C2CD5: variants seen among roughly 807,000 people sequenced by gnomAD.
C2CD5 encodes C2 calcium dependent domain containing 5, also known as C2 domain-containing protein 5.
In C2CD5, 109 loss-of-function variants were observed where a neutral mutation model predicts 130.3. The ratio of observed to expected loss-of-function variants is 0.84; its 90% CI spans 0.72 to 0.98. The LOEUF (loss-of-function observed/expected upper bound fraction) is 0.98, where lower values mean the gene tolerates loss of function less well. C2CD5 is among the 50% of genes least tolerant of loss of function. The pLI is 0.00. For missense variants in C2CD5, 996 were observed against 1,261.8 expected, an observed-to-expected ratio of 0.79 and a Z score of 3.19; for synonymous variants, 454 against 429.2, an observed-to-expected ratio of 1.06 and a Z score of -0.71.
At chr12:22,460,185 C>T (rs935566710) in intron 22 of C2CD5, among the ~76,000 whole-genome samples, 4 of 152,266 alleles carry the variant, frequency 2.6e-5, no homozygotes, top group African/African-American at 9.6e-5. Flanking sequence ...AGAATTTTCC[C>T]TGATATTTTT....
chr12:22,522,972 G>C (rs1950402583), intron 7 of C2CD5, among the ~76,000 whole-genome samples: 1 of 152,114 alleles, frequency 6.6e-6, no homozygotes, highest in Non-Finnish European at 1.5e-5. Flanking sequence ...CCAGCATTTT[G>C]GGAGGTCAAG....
chr12:22,491,052 G>A lies in C2CD5; in HGVS notation c.1263-834C>T, dbSNP rs532818462. 2.6e-5 allele frequency among the ~76,000 whole-genome samples: 4 copies of A among 152,210 alleles called. No individual in the cohort carries two copies. In the South Asian group the frequency reaches 6.2e-4, roughly 24 times the overall value. ...GAAGGAATAACATGAAACCACTGAT[G>A]TCTTCGAATCAAGAAGTTATAAGAG... On this transcript the variant is annotated intron_variant, in intron 11 of 26. Coordinates refer to ENST00000446597, the MANE Select transcript of C2CD5 (RefSeq NM_001286176.2).
In C2CD5 at chr12:22,525,677, G is replaced by T; in HGVS notation, c.378C>A (p.Val126=). The change falls in exon 5 of 27, where the codon GTC becomes GTA. Residue 126 remains valine (V), a synonymous_variant. Transcript: ENST00000446597. ...TTAAATCATTGAAGAGGTCTACTTT[G>T]ACAACTACATTGATTTCCCCACGGA... ...HGIRGEINVV[V]KVDLFNDLNR... 1 of 1,579,372 alleles carries T rather than the reference G, an allele frequency of 6.3e-7. No individual in the cohort carries two copies. Among genetic ancestry groups the T allele is most frequent in the South Asian group, 1.1e-5 (1 of 90,196 alleles).
intron 2 of C2CD5, among the ~76,000 whole-genome samples, chr12:22,538,640 C>G (rs1461698686): frequency 6.6e-6 from 1 of 152,200 alleles, no homozygotes. Context: ...TCCCCCTTTC[C>G]TAGCCAGATT....
At chr12:22,491,229 G>A (rs1946306772) in intron 11 of C2CD5, among the ~76,000 whole-genome samples, 2 of 152,124 alleles carry the variant, frequency 1.3e-5, no homozygotes, top group Non-Finnish European at 2.9e-5. Flanking sequence ...CAAACTTCTA[G>A]GTAAATTAAC....
intron 12 of C2CD5, among the ~76,000 whole-genome samples, chr12:22,485,244 T>C (rs911539197): frequency 5.3e-5 from 8 of 152,034 alleles, no homozygotes; most frequent in Non-Finnish European, 7.4e-5. Context: ...TTCCCACTGG[T>C]TGACAAATAT....
Position 22,484,710 on chromosome 12 carries a change from G to A in C2CD5, c.1537C>T (p.Leu513Phe), listed in dbSNP as rs780993048. 1.9e-6 allele frequency: 3 copies of A among 1,587,604 alleles called. No individual in the cohort carries two copies. Among genetic ancestry groups the A allele is most frequent in the Non-Finnish European group, 2.6e-6 (3 of 1,168,036 alleles). Residue 513 changes from leucine (L) to phenylalanine (F), a missense_variant, in exon 13 of 27, where the codon CTT becomes TTT. Leu to Phe is a conservative substitution (Grantham distance 22, BLOSUM62 0). Coordinates refer to ENST00000446597, the MANE Select transcript of C2CD5 (RefSeq NM_001286176.2). ...TDATVIGKGC[L>F]IQARLCRLKK... ...TCACAAACATACCTTGCTTGAATAA[G>A]ACAACCTTTTCCAATAACTGTTGCA...
At chr12:22,532,062 G>C (rs1951329680) in intron 3 of C2CD5, among the ~76,000 whole-genome samples, 1 of 152,166 alleles carries the variant, frequency 6.6e-6, no homozygotes, top group Non-Finnish European at 1.5e-5. Flanking sequence ...CCCAGGCCGG[G>C]CATTACGCCT....
chr12:22,535,168 A>G (rs1951704221), intron 3 of C2CD5, 90 bp downstream of exon 3: 2 of 737,456 alleles, frequency 2.7e-6, no homozygotes, highest in Non-Finnish European at 4.8e-6. Flanking sequence ...AAATACTACT[A>G]TGCCTGAAAT....
At chr12:22,512,529 C>A in intron 9 of C2CD5, 1 of 715,712 alleles carries the variant, frequency 1.4e-6, no homozygotes, top group African/African-American at 1.8e-5. Context: ...CTTTGCATTA[C>A]GAAAAGAAAA....
Position 22,525,711 on chromosome 12 carries a change from A to C in C2CD5, c.350-6T>G. The C allele has an allele frequency of 7.3e-7, 1 of 1,369,884 alleles. No homozygotes were observed. Among genetic ancestry groups the C allele is most frequent in the Non-Finnish European group, 1.0e-6 (1 of 963,164 alleles). 84.9% of individuals were successfully genotyped at this position (1,369,884 alleles called of 1,614,324 possible). A position where few individuals can be genotyped will look rare whatever the true frequency, so the allele number is the denominator to read the frequency against. On this transcript the variant is annotated splice_polypyrimidine_tract_variant and splice_region_variant and intron_variant, in intron 4 of 26. Coordinates refer to ENST00000446597, the MANE Select transcript of C2CD5 (RefSeq NM_001286176.2). ...ATTGATTTCCCCACGGATACCTATA[A>C]ATTTAAAAAGAAAATCAAGTTTCTA...
At chr12:22,505,972 T>TTCCACCAATGACAGAGTGGAATC (rs1555195439) in intron 10 of C2CD5, among the ~76,000 whole-genome samples, 1 of 151,974 alleles carries the variant, frequency 6.6e-6, no homozygotes, top group Non-Finnish European at 1.5e-5. Flanking sequence ...AGTGCTGGGA[T>TTCCACCAATGACAGAGTGGAATC]CTGGGTTCTG....
At chr12:22,527,336 T>A (rs192060544) in intron 4 of C2CD5, among the ~76,000 whole-genome samples, 1,684 of 144,988 alleles carry the variant, frequency 0.012, 27 homozygotes, top group East Asian at 0.044. Context: ...ATATATTTTT[T>A]TTTTTTTTTT....
Position 22,506,777 on chromosome 12 carries a change from G to A in C2CD5, c.1081C>T (p.Leu361Phe), listed in dbSNP as rs1259020408. Residue 361 changes from leucine (L) to phenylalanine (F), a missense_variant, in exon 10 of 27, where the codon CTT becomes TTT. By Grantham distance (22) the Leu-to-Phe change is conservative (BLOSUM62 0). This residue lies in a region of C2CD5 where 156 missense variants were observed against 165.9 expected (regional missense o/e 0.94). Coordinates refer to ENST00000446597, the MANE Select transcript of C2CD5 (RefSeq NM_001286176.2). The stretch of plus-strand genomic sequence containing the variant: ...CTAACTACACCCCCAACGTGTACAA[G>A]GAATCCAGGAGGAAATGCCGTCAAG... ...FTLTAFPPGF[L>F]VHVGGVVSAR... 6.2e-7 allele frequency: 1 copy of A among 1,612,390 alleles called. No individual in the cohort carries two copies. The highest frequency in any genetic ancestry group is 1.7e-5 in the Admixed American group (1 of 60,010).
chr12:22,528,166 T>G (rs1303987494), intron 3 of C2CD5, among the ~76,000 whole-genome samples: 2 of 152,156 alleles, frequency 1.3e-5, no homozygotes, highest in East Asian at 3.8e-4. Flanking sequence ...TTTTTACATA[T>G]TATCCTGTGT....
At chr12:22,469,585 C>A in intron 22 of C2CD5, 124 bp downstream of exon 22, 3 of 518,714 alleles carry the variant, frequency 5.8e-6, no homozygotes, top group Non-Finnish European at 1.0e-5. Flanking sequence ...TATGAAGAAA[C>A]ATATAATGAG....
chr12:22,539,084 C>G (rs573585727), intron 2 of C2CD5, among the ~76,000 whole-genome samples: 3 of 152,138 alleles, frequency 2.0e-5, no homozygotes, highest in African/African-American at 4.8e-5. Flanking sequence ...TTTCCTCCCC[C>G]CTTCATAGCC....
intron 2 of C2CD5, among the ~76,000 whole-genome samples, chr12:22,538,123 T>C (rs979454413): frequency 5.9e-5 from 9 of 152,188 alleles, no homozygotes; most frequent in African/African-American, 2.2e-4. Flanking sequence ...AGATAAAACA[T>C]ATAAACAAAC....
chr12:22,544,208 C>G, intron 1 of C2CD5, 29 bp from the exon 2 acceptor site: 1 of 1,553,556 alleles, frequency 6.4e-7, no homozygotes, highest in Non-Finnish European at 8.8e-7. Context: ...GAGTCTGCGC[C>G]GAGCGCGGGG....
Sources: allele counts gnomAD v4.1 joint callset (sites outside exome capture counted in the v4.1 genomes callset), GRCh38; gene constraint gnomAD v4.1.1; regional missense constraint gnomAD v4.1.1; transcripts MANE v1.5; gene names NCBI Gene and HGNC (gene_info 2026-07-23, HGNC 2026-07-21).